NPY1R: variants seen among roughly 807,000 people sequenced by gnomAD.
NPY1R encodes neuropeptide Y receptor type 1.
NPY1R carries 10 observed loss-of-function variants against 24.1 expected under a neutral mutation model. That is an observed-to-expected ratio of 0.42 (90% CI 0.26 to 0.71). The LOEUF (loss-of-function observed/expected upper bound fraction) is 0.71. Ranked by LOEUF, NPY1R falls within the 30% of genes least tolerant of loss-of-function variation. The pLI is 0.28. For missense variants in NPY1R, 350 were observed against 458.0 expected (o/e 0.76, Z 2.15); for synonymous variants, 168 against 165.9 (o/e 1.01, Z -0.10).
intron 1 of NPY1R, among the ~76,000 whole-genome samples, chr4:163,340,420 A>G (rs1237825741): frequency 6.6e-6 from 1 of 152,050 alleles, no homozygotes; most frequent in Non-Finnish European, 1.5e-5. Flanking sequence ...CATGAAATAT[A>G]GTTAATACTA....
At chr4:163,333,147 G>GAAA (rs1228892952), upstream of NPY1R, 9 of 152,022 alleles carry the variant, frequency 5.9e-5, no homozygotes, top group African/African-American at 2.2e-4. Flanking sequence ...GCAGTCAATC[G>GAAA]GCCCTCCTTT....
upstream of NPY1R, among the ~76,000 whole-genome samples, chr4:163,336,485 C>T (rs1484389755): frequency 6.6e-6 from 1 of 152,132 alleles, no homozygotes. Context: ...ATGAATGCCA[C>T]CACAACAGCT....
At position 163,325,295 on chromosome 4, in the gene NPY1R, A is replaced by G. The variant is rs1398468543; in HGVS notation, c.*8T>C. ...GATGTCATCCGGGACCATAGGCTAT[A>G]AGTAGTTTCAGATTTTTTCATTATC... On this transcript the variant is annotated 3_prime_UTR_variant, in exon 3 of 3. Coordinates refer to ENST00000296533, the MANE Select transcript of NPY1R (RefSeq NM_000909.6). 1 of 1,590,464 alleles carries G rather than the reference A, an allele frequency of 6.3e-7. No individual in the cohort carries two copies. Among genetic ancestry groups the G allele is most frequent in the Non-Finnish European group, 8.6e-7 (1 of 1,164,144 alleles).
At chr4:163,344,056 G>A (rs1026079743) in intron 1 of NPY1R, 2 of 152,288 alleles carry the variant, frequency 1.3e-5, no homozygotes, top group Non-Finnish European at 2.9e-5. Flanking sequence ...GGCCTGCACC[G>A]AGGGGCCGTG....
chr4:163,339,357 T>C (rs2110816897), intron 1 of NPY1R, among the ~76,000 whole-genome samples: 1 of 152,310 alleles, frequency 6.6e-6, no homozygotes, highest in East Asian at 1.9e-4. Context: ...AGTTTATTTT[T>C]AAGAATGAAT....
chr4:163,336,992 GT>G (rs10710696), upstream of NPY1R, among the ~76,000 whole-genome samples: 91,270 of 150,774 alleles, frequency 0.61, 30,592 homozygotes, highest in Non-Finnish European at 0.75. Flanking sequence ...AGGAGAAAGT[GT>G]TTTTTTTTTG....
At chr4:163,332,085 G>A (rs1435433801) in intron 1 of NPY1R, among the ~76,000 whole-genome samples, 1 of 152,224 alleles carries the variant, frequency 6.6e-6, no homozygotes, top group Non-Finnish European at 1.5e-5. Flanking sequence ...CAGAGCCAGC[G>A]CCTCCAGCCA....
Position 163,325,187 on chromosome 4 carries a change from A to T in NPY1R, c.*116T>A. ...GTAAAAAGCAAGACAAGAAAATCTT[A>T]GTCATTTTCAAATGATTTCAACCCC... On this transcript the variant is annotated 3_prime_UTR_variant, in exon 3 of 3. Coordinates refer to ENST00000296533, the MANE Select transcript of NPY1R (RefSeq NM_000909.6). 1.4e-6 allele frequency: 1 copy of T among 723,800 alleles called. No homozygotes were observed. Among genetic ancestry groups the T allele is most frequent in the African/African-American group, 1.8e-5 (1 of 56,516 alleles). 44.8% of individuals were successfully genotyped at this position (723,800 alleles called of 1,614,324 possible). A position where few individuals can be genotyped will look rare whatever the true frequency, so the allele number is the denominator to read the frequency against.
At chr4:163,337,540 C>CCTGT (rs892635039), upstream of NPY1R, among the ~76,000 whole-genome samples, 16 of 152,134 alleles carry the variant, frequency 1.1e-4, no homozygotes, top group African/African-American at 3.9e-4. Context: ...TTTGAGTCAG[C>CCTGT]CTGTCCCGCT....
intron 1 of NPY1R, chr4:163,330,966 A>T (rs1185159246): frequency 6.6e-6 from 1 of 152,246 alleles, no homozygotes; most frequent in Admixed American, 6.5e-5. Flanking sequence ...TGAATTACAT[A>T]ATTCTCTGCT....
chr4:163,337,565 G>A (rs551085538), upstream of NPY1R, among the ~76,000 whole-genome samples: 88 of 152,236 alleles, frequency 5.8e-4, no homozygotes, highest in African/African-American at 1.8e-3. Context: ...TTTCCCAGCC[G>A]AGGCCCCAAG....
Position 163,329,427 on chromosome 4 carries a change from C to A in NPY1R, c.-151-2722G>T, listed in dbSNP as rs571633423. On this transcript the variant is annotated intron_variant, in intron 1 of 2. Transcript: ENST00000296533. ...ATCAGCCTGGCCAACATGGTGAAAC[C>A]TTGTCTCTACTAAAAATACAAAAAT... Among the ~76,000 whole-genome samples the A allele has an allele frequency of 1.6e-4, 25 of 152,092 alleles. 1 individual carries two copies. In the South Asian group the frequency reaches 5.2e-3, roughly 32 times the overall value.
At chr4:163,343,651 C>T (rs1329709194) in intron 1 of NPY1R, among the ~76,000 whole-genome samples, 1 of 152,164 alleles carries the variant, frequency 6.6e-6, no homozygotes, top group African/African-American at 2.4e-5. Context: ...ACTCGATTTG[C>T]CCATCAAGTT....
At chr4:163,335,114 C>T (rs1192084533), upstream of NPY1R, among the ~76,000 whole-genome samples, 3 of 152,118 alleles carry the variant, frequency 2.0e-5, no homozygotes, top group Admixed American at 1.3e-4. Context: ...TATTTTTCTA[C>T]TCTTCAGTGA....
chr4:163,332,184 G>A (rs1368026181), intron 1 of NPY1R, among the ~76,000 whole-genome samples: 3 of 152,244 alleles, frequency 2.0e-5, no homozygotes, highest in Admixed American at 6.5e-5. Context: ...GAGAACCGGG[G>A]TAAAGGAAAA....
At chr4:163,332,316 T>C (rs1578936446) in intron 1 of NPY1R, among the ~76,000 whole-genome samples, 166 bp downstream of exon 1, 2 of 151,956 alleles carry the variant, frequency 1.3e-5, no homozygotes, top group African/African-American at 4.8e-5. Flanking sequence ...CCGCGAACGG[T>C]CCGGTGATTT....
intron 1 of NPY1R, among the ~76,000 whole-genome samples, chr4:163,342,196 G>T (rs1250686376): frequency 6.6e-6 from 1 of 152,110 alleles, no homozygotes; most frequent in African/African-American, 2.4e-5. Context: ...CATCAAAATA[G>T]AAAACAAATT....
intron 1 of NPY1R, among the ~76,000 whole-genome samples, chr4:163,328,873 C>T (rs1578933828): frequency 6.6e-6 from 1 of 152,150 alleles, no homozygotes; most frequent in Admixed American, 6.5e-5. Flanking sequence ...AATATAACAT[C>T]TTTGAGGTAG....
upstream of NPY1R, among the ~76,000 whole-genome samples, chr4:163,334,320 G>A (rs1232852181): frequency 2.0e-5 from 3 of 152,094 alleles, no homozygotes; most frequent in South Asian, 6.2e-4. Context: ...ATATAATTTG[G>A]ACTCAGGTAC....
Sources: gnomAD v4.1 joint callset for allele counts (sites outside exome capture counted in the v4.1 genomes callset) on GRCh38, gnomAD v4.1.1 for gene constraint, MANE v1.5 for transcripts, NCBI Gene and HGNC (gene_info 2026-07-23, HGNC 2026-07-21) for gene names.